Variants in SEC16A observed in about 807,000 individuals in gnomAD.
SEC16A encodes the protein SEC16 homolog A, endoplasmic reticulum export factor, also known as protein transport protein Sec16A.
In SEC16A, 110 loss-of-function variants were observed where a neutral mutation model predicts 221.9. The observed-to-expected ratio is 0.50, with a 90% CI of 0.42 to 0.58. The LOEUF (loss-of-function observed/expected upper bound fraction) is 0.58, where lower values mean the gene tolerates loss of function less well. Ranked by LOEUF, SEC16A falls within the 20% of genes least tolerant of loss-of-function variation. SEC16A has a pLI of 0.00. For synonymous variants in SEC16A, 1,393 were observed against 1,257.7 expected, an observed-to-expected ratio of 1.11 and a Z score of -2.28; for missense variants, 3,165 against 3,097.8, an observed-to-expected ratio of 1.02 and a Z score of -0.52.
chr9:136,480,518 T>C (rs1027683411), intron 1 of SEC16A, among the ~76,000 whole-genome samples: 1 of 152,190 alleles, frequency 6.6e-6, no homozygotes, highest in Non-Finnish European at 1.5e-5. Context: ...GATGTGATTA[T>C]TTTTTCCTAA....
intron 2 of SEC16A, among the ~76,000 whole-genome samples, chr9:136,477,890 C>G (rs1841853777): frequency 6.6e-6 from 1 of 152,084 alleles, no homozygotes; most frequent in Non-Finnish European, 1.5e-5. Context: ...GAGTGAGAAC[C>G]CTGGATGGCC....
Position 136,451,423 on chromosome 9 carries a change from T to C in SEC16A, c.6160-15A>G, listed in dbSNP as rs1837792778. 1 of 1,580,744 alleles carries C rather than the reference T, an allele frequency of 6.3e-7. No homozygotes were observed. Among genetic ancestry groups the C allele is most frequent in the Non-Finnish European group, 8.6e-7 (1 of 1,166,128 alleles). On this transcript the variant is annotated splice_polypyrimidine_tract_variant and intron_variant, in intron 22 of 31. Coordinates refer to ENST00000684901, the MANE Select transcript of SEC16A (RefSeq NM_014866.2). ...CTCGAGGGGGTCTGTCGCAAGGAAA[T>C]GCAGAACAGGCTCTCCTGGGGCTCC...
chr9:136,460,350 G>C (rs554810146), intron 13 of SEC16A, among the ~76,000 whole-genome samples: 2 of 152,134 alleles, frequency 1.3e-5, no homozygotes, highest in African/African-American at 4.8e-5. Flanking sequence ...AGCTACTCAG[G>C]AGACTGAGGC....
chr9:136,461,366 G>T, intron 12 of SEC16A, 92 bp from the exon 13 acceptor site: 1 of 910,826 alleles, frequency 1.1e-6, no homozygotes. Context: ...CGCAGCAGCA[G>T]ATACACAAAC....
intron 5 of SEC16A, 82 bp from the exon 6 acceptor site, chr9:136,467,165 C>T (rs932711620): frequency 5.5e-5 from 84 of 1,527,974 alleles, no homozygotes; most frequent in Middle Eastern, 1.8e-4. Flanking sequence ...GCGACACCAC[C>T]CCAGGACTTT....
intron 30 of SEC16A, among the ~76,000 whole-genome samples, chr9:136,444,253 C>T (rs891314651): frequency 1.1e-4 from 17 of 152,240 alleles, no homozygotes; most frequent in Non-Finnish European, 2.4e-4. Context: ...CATTTGCAGG[C>T]GGAAGGGTCG....
rs773137615 is a variant in SEC16A at position 136,463,699 on chromosome 9, C to T, written c.4488G>A (p.Ala1496=). Residue 1496 remains alanine (A), a synonymous_variant, in exon 10 of 32, where the codon GCG becomes GCA. Coordinates refer to ENST00000684901, the MANE Select transcript of SEC16A (RefSeq NM_014866.2). ...CATACTTGGCCAGGGGTCCCGGGAACGCCCGCATCTCCTCCTGCTCAGACG... is the reference window on the plus strand; with the variant it reads ...CATACTTGGCCAGGGGTCCCGGGAATGCCCGCATCTCCTCCTGCTCAGACG... The part of the protein sequence containing the change: ...QHTSEQEEMR[A]FPGPLAKDDT... 2.0e-5 allele frequency: 32 copies of T among 1,612,846 alleles called. No individual in the cohort carries two copies. The highest frequency in any genetic ancestry group is 2.5e-5 in the Non-Finnish European group (29 of 1,179,724).
At chr9:136,444,855 G>C (rs1182726157) in intron 30 of SEC16A, among the ~76,000 whole-genome samples, 197 bp downstream of exon 30, 1 of 148,976 alleles carries the variant, frequency 6.7e-6, no homozygotes, top group Non-Finnish European at 1.5e-5. Context: ...TTCCAGCCTG[G>C]GCAACAAGAG....
intron 31 of SEC16A, among the ~76,000 whole-genome samples, chr9:136,443,047 C>T (rs530934165): frequency 2.0e-5 from 3 of 152,306 alleles, no homozygotes; most frequent in East Asian, 1.9e-4. Flanking sequence ...CCCGGGTGCC[C>T]GGGCCAAGGG....
chr9:136,467,269 A>G (rs1193411454), intron 5 of SEC16A, among the ~76,000 whole-genome samples, 186 bp from the exon 6 acceptor site: 1 of 152,236 alleles, frequency 6.6e-6, no homozygotes, highest in Non-Finnish European at 1.5e-5. Context: ...AGCTACCTAA[A>G]GGCAACTGGC....
rs541736964 is a variant in SEC16A, at chr9:136,474,853, A to T, written c.2763T>A (p.Pro921=). 8.1e-6 allele frequency: 13 copies of T among 1,613,948 alleles called. No homozygotes were observed. In the South Asian group the frequency reaches 1.4e-4, roughly 18 times the overall value. Residue 921 remains proline (P), a synonymous_variant, in exon 3 of 32, where the codon CCT becomes CCA. Transcript: ENST00000684901. ...SGASEMVSNQ[P]ANLLVQPPSQ... Reference sequence around the variant, plus strand: ...ATGGTGGTTGAACCAGCAAATTAGCAGGCTGATTAGAAACCATTTCGGAAG... The same window carrying T: ...ATGGTGGTTGAACCAGCAAATTAGCTGGCTGATTAGAAACCATTTCGGAAG...
chr9:136,443,627 G>A (rs1406499929), intron 31 of SEC16A, among the ~76,000 whole-genome samples, 196 bp downstream of exon 31: 3 of 152,212 alleles, frequency 2.0e-5, no homozygotes, highest in Non-Finnish European at 4.4e-5. Flanking sequence ...GCTGCAGTGA[G>A]CTGAGATCAG....
In SEC16A at chr9:136,466,468, G is replaced by A; in HGVS notation, c.3930-6C>T. 1 of 1,594,512 alleles carries A rather than the reference G, an allele frequency of 6.3e-7. No homozygotes were observed. Among genetic ancestry groups the A allele is most frequent in the Non-Finnish European group, 8.6e-7 (1 of 1,169,322 alleles). On this transcript the variant is annotated splice_region_variant and splice_polypyrimidine_tract_variant and intron_variant, in intron 6 of 31. Transcript: ENST00000684901. This position sits in a 1 kb window ranked among gnomAD's most constrained non-coding sequence, Gnocchi z 5.5. ...TGTTGTCACGTTTCTCGGGCCTAGA[G>A]GAAGCCGGGGGACAGAGGCAGAGGA...
In SEC16A at chr9:136,466,330, T is replaced by G. The variant is rs1036973939; in HGVS notation, c.4062A>C (p.Ala1354=). The part of the protein sequence containing the change: ...DRRSVHSEHS[A]RSLHSAHSLA... Reference sequence around the variant, plus strand: ...GGCTGTGTGCGCTGTGCAGGCTCCGTGCCGAGTGCTCGCTGTGGACGCTGC... The same window carrying G: ...GGCTGTGTGCGCTGTGCAGGCTCCGGGCCGAGTGCTCGCTGTGGACGCTGC... Residue 1354 remains alanine (A), a synonymous_variant, in exon 7 of 32, where the codon GCA becomes GCC. Transcript: ENST00000684901. This position sits in a 1 kb window ranked among gnomAD's most constrained non-coding sequence, Gnocchi z 5.5. 1 of 1,572,740 alleles carries G rather than the reference T, an allele frequency of 6.4e-7. No individual in the cohort carries two copies. Among genetic ancestry groups the G allele is most frequent in the Admixed American group, 1.9e-5 (1 of 53,126 alleles).
At chr9:136,482,439 G>A (rs1240732767) in intron 1 of SEC16A, among the ~76,000 whole-genome samples, 1 of 152,148 alleles carries the variant, frequency 6.6e-6, no homozygotes, top group African/African-American at 2.4e-5. Flanking sequence ...ATCACAAAGG[G>A]GCGAGCCGGA....
upstream of SEC16A, chr9:136,483,409 C>A: frequency 1.4e-5 from 10 of 704,446 alleles, no homozygotes; most frequent in African/African-American, 2.3e-5. Context: ...GTCCGTCTTT[C>A]TCCGCCTCAT....
In SEC16A at chr9:136,477,371, G is replaced by A. The variant is rs773072929; in HGVS notation, c.245C>T (p.Ala82Val). 6.2e-7 allele frequency: 1 copy of A among 1,614,010 alleles called. No homozygotes were observed. Among genetic ancestry groups the A allele is most frequent in the East Asian group, 2.2e-5 (1 of 44,874 alleles). Residue 82 changes from alanine to valine, a missense_variant, in exon 3 of 32, where the codon GCC becomes GTC. Physicochemically the swap from Ala to Val is moderately conservative, Grantham distance 64. Around this residue, in one of 3 missense-constraint regions of SEC16A, gnomAD observed 2,030 missense variants for 1,923.1 expected, o/e 1.06. Coordinates refer to ENST00000684901, the MANE Select transcript of SEC16A (RefSeq NM_014866.2). ...GGGGTGCTGAGAAAACCCTGCGGGGGCTGGGCCTTGCAAGACAGGTGGACT... is the reference window on the plus strand; with the variant it reads ...GGGGTGCTGAGAAAACCCTGCGGGGACTGGGCCTTGCAAGACAGGTGGACT... Reference protein sequence around the residue: ...KSSPPVLQGPAPAGFSQHPGL... With the variant: ...KSSPPVLQGPVPAGFSQHPGL...
At chr9:136,473,981 TGTGA>T (rs1450669450) in intron 3 of SEC16A, 64 bp downstream of exon 3, 25 of 1,491,934 alleles carry the variant, frequency 1.7e-5, no homozygotes, top group Admixed American at 7.9e-5. Context: ...AGGAATACAC[TGTGA>T]GTGAGACTCA....
At chr9:136,482,519 A>T (rs1166211776) in intron 1 of SEC16A, among the ~76,000 whole-genome samples, 1 of 152,242 alleles carries the variant, frequency 6.6e-6, no homozygotes, top group Non-Finnish European at 1.5e-5. Context: ...AATTACAAAC[A>T]AACAACTCTG....
Sources: gnomAD v4.1 joint callset for allele counts (sites outside exome capture counted in the v4.1 genomes callset) on GRCh38, gnomAD v4.1.1 for gene constraint, gnomAD v4.1.1 regional missense constraint, Gnocchi (gnomAD v3.1) non-coding constraint, MANE v1.5 for transcripts, NCBI Gene and HGNC (gene_info 2026-07-23, HGNC 2026-07-21) for gene names.